The following PCDHGB5 variants were observed in gnomAD, a reference collection of about 807,000 sequenced individuals.
PCDHGB5 encodes the protein protocadherin gamma subfamily B, 5.
A neutral mutation model predicts 62.9 loss-of-function variants in PCDHGB5; 48 were observed. The ratio of observed to expected loss-of-function variants is 0.76; its 90% CI spans 0.61 to 0.97. PCDHGB5 has a LOEUF of 0.97. Among genes scored for constraint, PCDHGB5 ranks in the 50% least tolerant of loss-of-function variants. The pLI, the probability that PCDHGB5 is intolerant of heterozygous loss-of-function variation, is 0.00. For missense variants in PCDHGB5, 1,118 were observed against 1,198.6 expected (o/e 0.93, Z 0.99); for synonymous variants, 474 against 511.2 (o/e 0.93, Z 0.98).
chr5:141,509,027 A>G (rs1409179803), intron 3 of PCDHGB5, among the ~76,000 whole-genome samples: 1 of 151,700 alleles, frequency 6.6e-6, no homozygotes, highest in Non-Finnish European at 1.5e-5. Flanking sequence ...GCTCCCTCCC[A>G]CTCAACCCCT....
chr5:141,433,064 A>T, intron 1 of PCDHGB5: 1 of 1,614,064 alleles, frequency 6.2e-7, no homozygotes, highest in Non-Finnish European at 8.5e-7. Context: ...GAGTCACCTG[A>T]TCTTCCCCCA....
chr5:141,491,666 G>A lies in PCDHGB5; in HGVS notation c.2398-3141G>A, dbSNP rs373526771. 9.4e-5 allele frequency: 152 copies of A among 1,613,614 alleles called. No homozygotes were observed. The highest frequency in any genetic ancestry group is 1.2e-4 in the Non-Finnish European group (142 of 1,180,016). The stretch of plus-strand genomic sequence containing the variant: ...CTGGCGCTGGAGCCTGACGCCATCC[G>A]GTCCCGCTCTAATACGCTGCGGGAG... On this transcript the variant is annotated intron_variant, in intron 1 of 3. Coordinates refer to ENST00000617380, the MANE Select transcript of PCDHGB5 (RefSeq NM_018925.3). This position sits in a 1 kb window ranked among gnomAD's most constrained non-coding sequence, Gnocchi z 6.9.
Position 141,490,156 on chromosome 5 carries a change from G to T in PCDHGB5, c.2398-4651G>T. On this transcript the variant is annotated intron_variant, in intron 1 of 3. Coordinates refer to ENST00000617380, the MANE Select transcript of PCDHGB5 (RefSeq NM_018925.3). The surrounding 1 kb of genome is among the most constrained non-coding windows in gnomAD (Gnocchi z 5.4). ...TAGCAGTGGGGCAATCCATGTGTTG[G>T]GTCCCATAGACTTTGAGGAGTCACG... is the stretch of plus-strand genomic sequence containing the variant. 3.1e-6 allele frequency: 5 copies of T among 1,614,192 alleles called. No individual in the cohort carries two copies. Among genetic ancestry groups the T allele is most frequent in the Non-Finnish European group, 4.2e-6 (5 of 1,180,034 alleles).
intron 1 of PCDHGB5, chr5:141,430,826 CT>C (rs765096486): frequency 1.3e-6 from 2 of 1,550,416 alleles, no homozygotes; most frequent in East Asian, 2.2e-5. Flanking sequence ...CCTGGGGACT[CT>C]GTGGGAGACC....
intron 1 of PCDHGB5, chr5:141,430,896 G>A: frequency 6.2e-7 from 1 of 1,606,012 alleles, no homozygotes; most frequent in Admixed American, 1.7e-5. Context: ...TCTAGGGTGG[G>A]CGACATCTCC....
chr5:141,422,222 C>A (rs1453283842), intron 1 of PCDHGB5: 2 of 1,564,972 alleles, frequency 1.3e-6, no homozygotes, highest in South Asian at 1.2e-5. Flanking sequence ...TTTACCACCA[C>A]GACGATGTTG....
At chr5:141,488,691 G>A (rs1443084778) in intron 1 of PCDHGB5, among the ~76,000 whole-genome samples, 2 of 152,192 alleles carry the variant, frequency 1.3e-5, no homozygotes, top group Non-Finnish European at 2.9e-5. Flanking sequence ...CTCCCAGAAG[G>A]ACAAGATTTT....
intron 1 of PCDHGB5, chr5:141,421,468 C>G: frequency 1.2e-6 from 2 of 1,614,096 alleles, no homozygotes; most frequent in Non-Finnish European, 1.7e-6. Flanking sequence ...TGTGAATCCG[C>G]GAAGCGGCAG....
chr5:141,448,122 C>A (rs1315243727), intron 1 of PCDHGB5, among the ~76,000 whole-genome samples: 1 of 151,820 alleles, frequency 6.6e-6, no homozygotes, highest in Non-Finnish European at 1.5e-5. Context: ...AAATTAGCCT[C>A]CCCCACCCTC....
rs759346998 is a variant in PCDHGB5, at chr5:141,410,849, CTTTTTTTTTT to C, written c.2397+10338_2397+10347del. Reference sequence around the variant, plus strand: ...CAGACTGAAGATATTTTGTCTTTGTCTTTTTTTTTTTTTTTTTTTTTTGAGATGGAGTCTC... The same window carrying C: ...CAGACTGAAGATATTTTGTCTTTGTCTTTTTTTTTTTTGAGATGGAGTCTC... On this transcript the variant is annotated intron_variant, in intron 1 of 3. Coordinates refer to ENST00000617380, the MANE Select transcript of PCDHGB5 (RefSeq NM_018925.3). 8 of 138,182 alleles carry C rather than the reference CTTTTTTTTTT, an allele frequency of 5.8e-5. 2 individuals are homozygous for C. The highest frequency in any genetic ancestry group is 7.3e-5 in the Non-Finnish European group (6 of 82,424). 8.6% of individuals were successfully genotyped at this position (138,182 alleles called of 1,614,324 possible). A position where few individuals can be genotyped will look rare whatever the true frequency, so the allele number is the denominator to read the frequency against.
rs2093690457 is a variant in PCDHGB5 at position 141,398,698 on chromosome 5, T to C, written c.571T>C (p.Tyr191His). The change falls in exon 1 of 4, where the codon TAC (tyrosine) becomes CAC (histidine). Residue 191 changes from tyrosine (Y) to histidine (H), a missense_variant. Coordinates refer to ENST00000617380, the MANE Select transcript of PCDHGB5 (RefSeq NM_018925.3). ...IIKEKQDGSKYPELALEKTLD... is the reference protein window; with the variant it reads ...IIKEKQDGSKHPELALEKTLD... Reference sequence around the variant, plus strand: ...TAAGGAGAAACAGGATGGTAGTAAATACCCGGAACTGGCACTGGAGAAAAC... The same window carrying C: ...TAAGGAGAAACAGGATGGTAGTAAACACCCGGAACTGGCACTGGAGAAAAC... 1.2e-6 allele frequency: 2 copies of C among 1,613,680 alleles called. No individual in the cohort carries two copies. The highest frequency in any genetic ancestry group is 1.7e-5 in the Admixed American group (1 of 60,000).
chr5:141,408,337 G>T (rs1191967573), intron 1 of PCDHGB5: 3 of 1,613,954 alleles, frequency 1.9e-6, no homozygotes, highest in Non-Finnish European at 2.5e-6. Context: ...CCAAGGGCTC[G>T]GTGGTGGGGA....
chr5:141,419,414 GCCTTCGACCACGAGCAGCTGCGCA>G, intron 1 of PCDHGB5: 1 of 1,613,428 alleles, frequency 6.2e-7, no homozygotes, highest in South Asian at 1.1e-5. Context: ...CGCGCAGCGC[GCCTTCGACCACGAGCAGCTGCGCA>G]CCTTCGAGCT....
At position 141,431,549 on chromosome 5, in the gene PCDHGB5, G is replaced by A. The variant is rs750427346; in HGVS notation, c.2397+31025G>A. ...GGCCTTGGGCACGCAGCTGCTTGTA[G>A]TCAACGCTACCGACCCTGACGAAGG... On this transcript the variant is annotated intron_variant, in intron 1 of 3. Coordinates refer to ENST00000617380, the MANE Select transcript of PCDHGB5 (RefSeq NM_018925.3). This position sits in a 1 kb window ranked among gnomAD's most constrained non-coding sequence, Gnocchi z 4.8. The A allele has an allele frequency of 6.2e-7, 1 of 1,614,156 alleles. No homozygotes were observed. Among genetic ancestry groups the A allele is most frequent in the South Asian group, 1.1e-5 (1 of 91,090 alleles).
rs752720166 is a variant in PCDHGB5, at chr5:141,419,978, G to C, written c.2397+19454G>C. 1.9e-6 allele frequency: 3 copies of C among 1,614,076 alleles called. No homozygotes were observed. In the South Asian group the frequency reaches 3.3e-5, roughly 18 times the overall value. On this transcript the variant is annotated intron_variant, in intron 1 of 3. Transcript: ENST00000617380. Reference sequence around the variant, plus strand: ...GATTTCTGTGCTCTTTCTCCTCGCGGTGATTCTAGCTATTGCTCTACGCCT... The same window carrying C: ...GATTTCTGTGCTCTTTCTCCTCGCGCTGATTCTAGCTATTGCTCTACGCCT...
intron 1 of PCDHGB5, among the ~76,000 whole-genome samples, chr5:141,453,225 C>T (rs2098758997): frequency 6.6e-6 from 1 of 152,044 alleles, no homozygotes; most frequent in African/African-American, 2.4e-5. Context: ...GCGATCCTCC[C>T]ACCTCAGCCT....
rs570379716 is a variant in PCDHGB5 at position 141,452,090 on chromosome 5, G to A, written c.2398-42717G>A. Among the ~76,000 whole-genome samples, 3 of 152,256 alleles carry A rather than the reference G, an allele frequency of 2.0e-5. No individual in the cohort carries two copies. The South Asian group carries it at 6.2e-4, about 32-fold the overall frequency. On this transcript the variant is annotated intron_variant, in intron 1 of 3. Coordinates refer to ENST00000617380, the MANE Select transcript of PCDHGB5 (RefSeq NM_018925.3). The stretch of plus-strand genomic sequence containing the variant: ...TTTATTAGTTGGCATTATACAGTAA[G>A]AAAGAGCTTTCTTTTCTCTTCTTAT...
At chr5:141,419,904 C>G (rs2096446397) in intron 1 of PCDHGB5, 2 of 1,614,108 alleles carry the variant, frequency 1.2e-6, no homozygotes, top group Non-Finnish European at 1.7e-6. Flanking sequence ...CCCACACCCT[C>G]TGACTCCCAG....
At chr5:141,415,425 T>G (rs777503392) in intron 1 of PCDHGB5, 7 of 1,614,080 alleles carry the variant, frequency 4.3e-6, no homozygotes, top group African/African-American at 1.3e-5. Context: ...TGGACGGGGT[T>G]CGGGCTTTCC....
Sources: gnomAD v4.1 joint callset for allele counts (sites outside exome capture counted in the v4.1 genomes callset) on GRCh38, gnomAD v4.1.1 for gene constraint, Gnocchi (gnomAD v3.1) non-coding constraint, MANE v1.5 for transcripts, NCBI Gene and HGNC (gene_info 2026-07-23, HGNC 2026-07-21) for gene names.